CENPW: variants seen among roughly 807,000 people sequenced by gnomAD.
The protein encoded by CENPW is centromere protein W, also known as cancer-up-regulated gene 2 protein.
In CENPW, 3 loss-of-function variants were observed where a neutral mutation model predicts 11.1. The observed-to-expected ratio is 0.27, with a 90% CI of 0.12 to 0.70. The LOEUF is 0.70. Ranked by LOEUF, CENPW falls within the 30% of genes least tolerant of loss-of-function variation. CENPW has a pLI of 0.77. For missense variants in CENPW, 100 were observed against 105.6 expected, an observed-to-expected ratio of 0.95 and a Z score of 0.23; for synonymous variants, 38 against 42.0, an observed-to-expected ratio of 0.91 and a Z score of 0.37.
At chr6:126,356,901 C>G in the CENPW span, among the ~76,000 whole-genome samples, 1 of 152,100 alleles carries the variant, frequency 6.6e-6, no homozygotes, top group Non-Finnish European at 1.5e-5. Flanking sequence ...TGTCTGTTTA[C>G]TCTGTTTATA....
At chr6:126,432,418 C>T in the CENPW span, among the ~76,000 whole-genome samples, 69,224 of 152,024 alleles carry the variant, frequency 0.46, 17,454 homozygotes, top group East Asian at 0.97. Context: ...CCTACTGCTA[C>T]CCCCTCTCTA....
chr6:126,395,125 T>C, the CENPW span, among the ~76,000 whole-genome samples: 1 of 152,280 alleles, frequency 6.6e-6, no homozygotes, highest in South Asian at 2.1e-4. Context: ...GAATAAACTT[T>C]CTACTCCCCC....
chr6:126,458,978 C>T, the CENPW span, among the ~76,000 whole-genome samples: 1 of 151,358 alleles, frequency 6.6e-6, no homozygotes, highest in Non-Finnish European at 1.5e-5. Context: ...AAACTAAGTT[C>T]TCTAGGGTGT....
At chr6:126,457,197 A>G in the CENPW span, among the ~76,000 whole-genome samples, 1 of 151,426 alleles carries the variant, frequency 6.6e-6, no homozygotes, top group African/African-American at 2.4e-5. Context: ...TTGGGTATAT[A>G]CCAATATGGG....
At chr6:126,414,953 T>A in the CENPW span, among the ~76,000 whole-genome samples, 1 of 151,940 alleles carries the variant, frequency 6.6e-6, no homozygotes, top group African/African-American at 2.4e-5. Flanking sequence ...TCATTAGCGA[T>A]GGCTATGAAT....
the CENPW span, among the ~76,000 whole-genome samples, chr6:126,463,179 A>G: frequency 7.2e-5 from 11 of 152,122 alleles, no homozygotes; most frequent in East Asian, 1.8e-3. Context: ...CTTCACTGAC[A>G]TTATTCTATG....
At chr6:126,415,156 GGGTGTAA>G in the CENPW span, among the ~76,000 whole-genome samples, 3 of 152,020 alleles carry the variant, frequency 2.0e-5, no homozygotes, top group Admixed American at 2.0e-4. Context: ...TAACTCAAGG[GGGTGTAA>G]GGTGTAAGAA....
chr6:126,404,035 T>G, the CENPW span, among the ~76,000 whole-genome samples: 2 of 152,084 alleles, frequency 1.3e-5, no homozygotes, highest in Admixed American at 6.6e-5. Flanking sequence ...CTACATCTAC[T>G]CTGTCTGTGC....
At chr6:126,431,448 A>G in the CENPW span, among the ~76,000 whole-genome samples, 4 of 152,214 alleles carry the variant, frequency 2.6e-5, no homozygotes, top group East Asian at 1.9e-4. Flanking sequence ...CTCCAAACAT[A>G]CACTGAACCT....
the CENPW span, among the ~76,000 whole-genome samples, chr6:126,465,595 A>G: frequency 6.6e-6 from 1 of 152,124 alleles, no homozygotes; most frequent in Non-Finnish European, 1.5e-5. Flanking sequence ...TTGGAAGTAA[A>G]ATACTACCTG....
chr6:126,383,988 C>G, the CENPW span, among the ~76,000 whole-genome samples: 5 of 152,092 alleles, frequency 3.3e-5, no homozygotes, highest in African/African-American at 1.2e-4. Flanking sequence ...TGAAATTGAT[C>G]ACACAATCAG....
At chr6:126,435,712 A>T in the CENPW span, among the ~76,000 whole-genome samples, 11 of 151,970 alleles carry the variant, frequency 7.2e-5, no homozygotes, top group African/African-American at 2.4e-4. Flanking sequence ...ATTAAATGAG[A>T]GGCTGAGTCA....
the CENPW span, among the ~76,000 whole-genome samples, chr6:126,413,334 GAAGAA>G: frequency 6.6e-6 from 1 of 152,070 alleles, no homozygotes; most frequent in East Asian, 1.9e-4. Context: ...AACAGCAAGA[GAAGAA>G]AAGTATCAAT....
chr6:126,434,026 T>A, the CENPW span, among the ~76,000 whole-genome samples: 3 of 152,112 alleles, frequency 2.0e-5, no homozygotes, highest in East Asian at 5.8e-4. Context: ...TCTGAATCCA[T>A]CAGGAAACAT....
the CENPW span, among the ~76,000 whole-genome samples, chr6:126,367,095 T>C: frequency 6.6e-6 from 1 of 152,216 alleles, no homozygotes; most frequent in African/African-American, 2.4e-5. Context: ...TATTTTACTA[T>C]AGAATTTAAA....
downstream of CENPW, among the ~76,000 whole-genome samples, chr6:126,351,936 G>T (rs1161692440): frequency 1.3e-5 from 2 of 151,978 alleles, no homozygotes; most frequent in Non-Finnish European, 2.9e-5. Flanking sequence ...TACTCCCTAG[G>T]TCAGTGGTTT....
At chr6:126,354,015 A>G in the CENPW span, among the ~76,000 whole-genome samples, 1 of 151,828 alleles carries the variant, frequency 6.6e-6, no homozygotes, top group Non-Finnish European at 1.5e-5. Context: ...CATATTAATT[A>G]TATTTATTTT....
chr6:126,377,971 A>G, the CENPW span, among the ~76,000 whole-genome samples: 1 of 152,198 alleles, frequency 6.6e-6, no homozygotes, highest in African/African-American at 2.4e-5. Context: ...CAAGGTAAAC[A>G]TTTGCTTAAG....
At chr6:126,418,388 T>C in the CENPW span, among the ~76,000 whole-genome samples, 4 of 152,198 alleles carry the variant, frequency 2.6e-5, no homozygotes, top group Non-Finnish European at 5.9e-5. Flanking sequence ...ATGTGGTATA[T>C]CCATACCACT....
Sources: gnomAD v4.1 joint callset for allele counts (sites outside exome capture counted in the v4.1 genomes callset) on GRCh38, gnomAD v4.1.1 for gene constraint, MANE v1.5 for transcripts, NCBI Gene and HGNC (gene_info 2026-07-23, HGNC 2026-07-21) for gene names.